The following C20orf96 variants were observed in gnomAD, a reference collection of about 807,000 sequenced individuals.
The protein encoded by C20orf96 is uncharacterized protein C20orf96.
In C20orf96, 57 loss-of-function variants were observed where a neutral mutation model predicts 52.6. The observed-to-expected ratio is 1.08, with a 90% CI of 0.88 to 1.35. C20orf96 has a LOEUF of 1.35. Among genes scored for constraint, C20orf96 ranks in the 40% most tolerant of loss-of-function variants. The pLI is 0.00. For synonymous variants in C20orf96, 168 were observed against 157.2 expected (o/e 1.07, Z -0.51); for missense variants, 478 against 443.6 (o/e 1.08, Z -0.70).
chr20:271,377 G>A, intron 10 of C20orf96, 110 bp from the exon 11 acceptor site: 1 of 812,574 alleles, frequency 1.2e-6, no homozygotes, highest in Non-Finnish European at 1.9e-6. Flanking sequence ...TGGGTTGGGG[G>A]GCAATCCCAA....
chr20:276,665 A>G, intron 9 of C20orf96, 128 bp downstream of exon 9: 4 of 1,489,452 alleles, frequency 2.7e-6, no homozygotes, highest in Non-Finnish European at 3.6e-6. Flanking sequence ...GCAAGGAGGG[A>G]GGCCAACACC....
intron 4 of C20orf96, among the ~76,000 whole-genome samples, chr20:282,674 C>A (rs1204181375): frequency 6.6e-6 from 1 of 152,122 alleles, no homozygotes; most frequent in Non-Finnish European, 1.5e-5. Flanking sequence ...AGTTGGAGAC[C>A]AGCCTGGCCA....
chr20:287,207 T>C (rs143805104), intron 3 of C20orf96, among the ~76,000 whole-genome samples: 6 of 152,352 alleles, frequency 3.9e-5, no homozygotes, highest in African/African-American at 1.4e-4. Context: ...GTCGGATTAC[T>C]AGGAAGTGCA....
chr20:271,704 A>C (rs1263583970), intron 10 of C20orf96, among the ~76,000 whole-genome samples: 2 of 152,186 alleles, frequency 1.3e-5, no homozygotes, highest in African/African-American at 2.4e-5. Flanking sequence ...TTGGCACTTA[A>C]GTGAAAAGCA....
chr20:276,749 C>G (rs2012037341), intron 9 of C20orf96, 44 bp downstream of exon 9: 1 of 1,595,742 alleles, frequency 6.3e-7, no homozygotes, highest in East Asian at 2.3e-5. Flanking sequence ...GACTGCCCAT[C>G]CACTGCTTCC....
At position 284,037 on chromosome 20, in the gene C20orf96, T is replaced by C. The variant is rs758364042; in HGVS notation, c.232A>G (p.Lys78Glu). 16 of 1,614,064 alleles carry C rather than the reference T, an allele frequency of 9.9e-6. No homozygotes were observed. The highest frequency in any genetic ancestry group is 1.3e-5 in the African/African-American group (1 of 74,914). ...PTTVVTSCQP[K>E]NPRELHRRRK... ...CTTCTATGTAGTTCTCTTGGATTCT[T>C]CGGCTGGCAGCTTGTCACCACCGTA... The change falls in exon 4 of 11, where the codon AAG becomes GAG. Residue 78 changes from lysine to glutamate, a missense_variant. Physicochemically the swap from Lys to Glu is moderately conservative, Grantham distance 56. Coordinates refer to ENST00000360321, the MANE Select transcript of C20orf96 (RefSeq NM_153269.3).
Position 290,254 on chromosome 20 carries a change from C to T in C20orf96, c.69+5G>A. ...CCACCCCAGCCCTAGTCCCCCAAGA[C>T]TCACCGGAACCTGGAACTCCTGGAC... On this transcript the variant is annotated splice_donor_5th_base_variant and intron_variant, in intron 2 of 10. Transcript: ENST00000360321. 1 of 1,611,148 alleles carries T rather than the reference C, an allele frequency of 6.2e-7. No individual in the cohort carries two copies. Among genetic ancestry groups the T allele is most frequent in the Non-Finnish European group, 8.5e-7 (1 of 1,178,352 alleles).
In C20orf96 at chr20:271,459, C is replaced by G. The variant is rs887281849; in HGVS notation, c.1032-192G>C. ...ACACAAGCATACACACACACACACA[C>G]ACACACACACACACACACACATACA... is the stretch of plus-strand genomic sequence containing the variant. On this transcript the variant is annotated intron_variant, in intron 10 of 10. Transcript: ENST00000360321. 7.9e-5 allele frequency among the ~76,000 whole-genome samples: 12 copies of G among 151,256 alleles called. 1 individual carries two copies. The highest frequency in any genetic ancestry group is 2.9e-4 in the African/African-American group (12 of 40,790).
rs912591814 is a variant in C20orf96 at position 276,659 on chromosome 20, G to T, written c.912+134C>A. The T allele has an allele frequency of 1.5e-5, 22 of 1,485,252 alleles. No individual in the cohort carries two copies. The South Asian group carries it at 3.0e-4, about 20-fold the overall frequency. 92.0% of individuals were successfully genotyped at this position (1,485,252 alleles called of 1,614,324 possible). On this transcript the variant is annotated intron_variant, in intron 9 of 10. Transcript: ENST00000360321. ...CAAGTGACAGTAATGGCACCGGCAAGGAGGGAGGCCAACACCAGAGTCAGA... is the reference window on the plus strand; with the variant it reads ...CAAGTGACAGTAATGGCACCGGCAATGAGGGAGGCCAACACCAGAGTCAGA...
intron 3 of C20orf96, among the ~76,000 whole-genome samples, chr20:287,908 CAA>C (rs71327437): frequency 1.6e-4 from 10 of 63,082 alleles, no homozygotes; most frequent in African/African-American, 4.0e-4. Flanking sequence ...GACTCCTTCT[CAA>C]AAAAAAAAAA....
At chr20:280,914 C>T (rs1168682274) in intron 4 of C20orf96, among the ~76,000 whole-genome samples, 2 of 152,088 alleles carry the variant, frequency 1.3e-5, no homozygotes, top group African/African-American at 2.4e-5. Flanking sequence ...CAACACTTTG[C>T]GAGGCCCAGA....
intron 4 of C20orf96, among the ~76,000 whole-genome samples, chr20:282,298 A>G (rs1156342064): frequency 6.6e-6 from 1 of 152,112 alleles, no homozygotes; most frequent in East Asian, 1.9e-4. Flanking sequence ...ATCATTTCAA[A>G]TATCTTTCTC....
rs373695950 is a variant in C20orf96, at chr20:279,305, G to C, written c.332C>G (p.Ala111Gly). 6.2e-7 allele frequency: 1 copy of C among 1,607,596 alleles called. No homozygotes were observed. Among genetic ancestry groups the C allele is most frequent in the Non-Finnish European group, 8.5e-7 (1 of 1,179,036 alleles). ...MKTSLRSGRA[A>G]LRELRSRENF... The stretch of plus-strand genomic sequence containing the variant: ...CTCACGGCTTCGGAGCTCTCGCAGA[G>C]CGGCCCTCCCGCTCCTGAGCGAGGT... The change falls in exon 5 of 11, where the codon GCT (alanine) becomes GGT (glycine). Residue 111 changes from alanine (A) to glycine (G), a missense_variant. By Grantham distance (60) the Ala-to-Gly change is moderately conservative. Coordinates refer to ENST00000360321, the MANE Select transcript of C20orf96 (RefSeq NM_153269.3).
chr20:279,830 C>G (rs1356306413), intron 4 of C20orf96, among the ~76,000 whole-genome samples: 1 of 151,938 alleles, frequency 6.6e-6, no homozygotes, highest in African/African-American at 2.4e-5. Flanking sequence ...ATTAGCCGAG[C>G]GTGGTGGCGC....
At chr20:272,740 A>G (rs529286621) in intron 10 of C20orf96, among the ~76,000 whole-genome samples, 122 of 151,426 alleles carry the variant, frequency 8.1e-4, no homozygotes, top group Non-Finnish European at 1.4e-3. Context: ...CATCACCACC[A>G]CCCCATTATA....
rs1457404263 is a variant in C20orf96 at position 289,596 on chromosome 20, A to G, written c.150T>C (p.His50=). ...TAGTCAAAGTCTTCATTTTGCTTGT[A>G]TGAAGGCTGTTGGCTTGTTGGACTG... ...LPPVQQANSL[H]TSKMKTLTRV... The change falls in exon 3 of 11, where the codon CAT becomes CAC. Residue 50 remains histidine, a synonymous_variant. Transcript: ENST00000360321. 1 of 1,614,060 alleles carries G rather than the reference A, an allele frequency of 6.2e-7. No homozygotes were observed. Among genetic ancestry groups the G allele is most frequent in the Non-Finnish European group, 8.5e-7 (1 of 1,179,970 alleles).
intron 10 of C20orf96, among the ~76,000 whole-genome samples, chr20:274,166 C>T (rs759395134): frequency 1.2e-4 from 19 of 152,014 alleles, no homozygotes; most frequent in Non-Finnish European, 2.4e-4. Flanking sequence ...GTTGGAGAGG[C>T]TCTGCTTAAC....
chr20:277,022 C>T (rs1568490209), intron 8 of C20orf96, 22 bp downstream of exon 8: 2 of 1,609,354 alleles, frequency 1.2e-6, no homozygotes, highest in Non-Finnish European at 1.7e-6. Context: ...TCCCCGCTCC[C>T]ACACAGCAAC....
At chr20:278,974 G>C (rs529915390) in intron 5 of C20orf96, among the ~76,000 whole-genome samples, 198 bp downstream of exon 5, 5 of 2,796 alleles carry the variant, frequency 1.8e-3, no homozygotes, top group Non-Finnish European at 3.5e-3. Context: ...GACGGAGGGA[G>C]GGAGGGAGGG....
Sources: allele counts gnomAD v4.1 joint callset (sites outside exome capture counted in the v4.1 genomes callset), GRCh38; gene constraint gnomAD v4.1.1; transcripts MANE v1.5; gene names NCBI Gene and HGNC (gene_info 2026-07-23, HGNC 2026-07-21).